The following TANC2 variants were observed in gnomAD, a reference collection of about 807,000 sequenced individuals.
The protein encoded by TANC2 is tetratricopeptide repeat, ankyrin repeat and coiled-coil containing 2.
In TANC2, 26 loss-of-function variants were observed where a neutral mutation model predicts 210.5. That is an observed-to-expected ratio of 0.12 (90% confidence interval 0.09 to 0.17). The LOEUF is 0.17. Ranked by LOEUF, TANC2 falls within the 10% of genes least tolerant of loss-of-function variation. The probability of loss-of-function intolerance (pLI) is 1.00; values close to 1 mark genes in which losing one functional copy is unlikely to be tolerated. For missense variants in TANC2, 2,129 were observed against 2,608.9 expected, an observed-to-expected ratio of 0.82 and a Z score of 4.01; for synonymous variants, 931 against 967.1, an observed-to-expected ratio of 0.96 and a Z score of 0.69.
At chr17:63,058,226 A>G (rs2035873829) in intron 2 of TANC2, among the ~76,000 whole-genome samples, 1 of 151,996 alleles carries the variant, frequency 6.6e-6, no homozygotes, top group South Asian at 2.1e-4. Flanking sequence ...CCACATGGGT[A>G]TGTTTTCTTT....
rs1359624596 is a variant in TANC2, at chr17:63,412,543, A to G, written c.3899-137A>G. On this transcript the variant is annotated intron_variant, in intron 23 of 27. Transcript: ENST00000689528. The surrounding 1 kb of genome is among the most constrained non-coding windows in gnomAD (Gnocchi z 4.2). ...AGCTGCTCCCCAAGCCCACAGACCTATAGACGAGGGTTGGCTGATATGCTG... is the reference window on the plus strand; with the variant it reads ...AGCTGCTCCCCAAGCCCACAGACCTGTAGACGAGGGTTGGCTGATATGCTG... 9 of 802,186 alleles carry G rather than the reference A, an allele frequency of 1.1e-5. No homozygotes were observed. Among genetic ancestry groups the G allele is most frequent in the African/African-American group, 5.2e-5 (3 of 57,438 alleles). The allele number at this position is 802,186 out of a possible 1,614,324, so 49.7% of individuals were successfully genotyped here. A position where few individuals can be genotyped will look rare whatever the true frequency, so the allele number is the denominator to read the frequency against.
intron 8 of TANC2, among the ~76,000 whole-genome samples, chr17:63,244,696 G>A (rs891509851): frequency 1.8e-4 from 27 of 152,068 alleles, no homozygotes; most frequent in Admixed American, 1.2e-3. Flanking sequence ...TTTGTAAACC[G>A]CCGATTTCTT....
chr17:63,152,004 T>G (rs2039669512), intron 5 of TANC2: 1 of 152,176 alleles, frequency 6.6e-6, no homozygotes, highest in South Asian at 2.1e-4. Flanking sequence ...TGAGAAAGAC[T>G]CATTATCAAT....
chr17:63,197,167 T>A (rs2145772602), intron 6 of TANC2, among the ~76,000 whole-genome samples: 1 of 152,296 alleles, frequency 6.6e-6, no homozygotes, highest in African/African-American at 2.4e-5. Context: ...ACATCATAGC[T>A]TTCGTACTTT....
At chr17:63,286,272 C>A (rs924750064) in intron 9 of TANC2, among the ~76,000 whole-genome samples, 2 of 152,156 alleles carry the variant, frequency 1.3e-5, no homozygotes, top group Non-Finnish European at 2.9e-5. Flanking sequence ...TTTAACATTT[C>A]TTGCATTGTG....
At chr17:63,395,253 T>C (rs1403925968) in intron 17 of TANC2, among the ~76,000 whole-genome samples, 2 of 152,254 alleles carry the variant, frequency 1.3e-5, no homozygotes, top group Non-Finnish European at 2.9e-5. Flanking sequence ...AGAAGCAGAC[T>C]TTGCCAAAGT....
At chr17:63,391,384 A>T (rs2047968138) in intron 17 of TANC2, 1 of 152,202 alleles carries the variant, frequency 6.6e-6, no homozygotes, top group African/African-American at 2.4e-5. Flanking sequence ...GATCAGACAC[A>T]ACTGGGTTAA....
At chr17:63,118,084 T>G (rs768304262) in intron 4 of TANC2, among the ~76,000 whole-genome samples, 4 of 152,228 alleles carry the variant, frequency 2.6e-5, no homozygotes, top group Non-Finnish European at 4.4e-5. Context: ...AGATTGCAAT[T>G]CCAGAATAGA....
intron 8 of TANC2, among the ~76,000 whole-genome samples, chr17:63,265,715 A>G (rs913655767): frequency 3.9e-5 from 6 of 152,142 alleles, no homozygotes; most frequent in African/African-American, 1.2e-4. Flanking sequence ...CTTAGCAAAG[A>G]CATAGAAATC....
intron 7 of TANC2, among the ~76,000 whole-genome samples, chr17:63,232,699 C>A (rs571196781): frequency 5.3e-5 from 8 of 152,330 alleles, no homozygotes; most frequent in African/African-American, 1.9e-4. Context: ...AGGTGTCTGG[C>A]GACCCCTGTT....
At chr17:63,114,025 A>G (rs2038156222) in intron 4 of TANC2, among the ~76,000 whole-genome samples, 1 of 152,224 alleles carries the variant, frequency 6.6e-6, no homozygotes, top group Non-Finnish European at 1.5e-5. Context: ...TTATAACTTT[A>G]GATTAATGAA....
chr17:63,189,955 A>T (rs2041127413), intron 5 of TANC2, among the ~76,000 whole-genome samples: 1 of 152,162 alleles, frequency 6.6e-6, no homozygotes, highest in Admixed American at 6.5e-5. Context: ...TCATCTTCAT[A>T]CCTTTGTTTG....
At chr17:63,240,746 A>G (rs1308786567) in intron 8 of TANC2, among the ~76,000 whole-genome samples, 1 of 152,198 alleles carries the variant, frequency 6.6e-6, no homozygotes, top group Non-Finnish European at 1.5e-5. Context: ...GGCAACTACC[A>G]AACTATCTCC....
Position 63,212,904 on chromosome 17 carries a change from C to T in TANC2, c.769+11947C>T, listed in dbSNP as rs190599884. On this transcript the variant is annotated intron_variant, in intron 7 of 27. Coordinates refer to ENST00000689528, the Ensembl canonical transcript of TANC2. ...GATCTCATGTTTTCAACAAATCTGT[C>T]AGCATTACTCTATTCATTATTCAAT... Among the ~76,000 whole-genome samples the T allele has an allele frequency of 2.6e-5, 4 of 152,310 alleles. No individual in the cohort carries two copies. The East Asian group carries it at 7.7e-4, about 29-fold the overall frequency.
At chr17:62,968,645 C>G (rs777610202) in intron 1 of TANC2, 1 of 152,080 alleles carries the variant, frequency 6.6e-6, no homozygotes, top group African/African-American at 2.4e-5. Context: ...TTACAGAGCC[C>G]GATTCTTTTC....
chr17:63,009,117 T>G (rs2033754162), intron 1 of TANC2, among the ~76,000 whole-genome samples: 1 of 152,124 alleles, frequency 6.6e-6, no homozygotes, highest in East Asian at 1.9e-4. Flanking sequence ...TTTTTCTGGT[T>G]TAGCACTTTT....
At chr17:63,108,189 A>G (rs1346646880) in intron 4 of TANC2, among the ~76,000 whole-genome samples, 1 of 151,794 alleles carries the variant, frequency 6.6e-6, no homozygotes, top group Non-Finnish European at 1.5e-5. Context: ...TTCATGCCTC[A>G]TAAAATGAAC....
chr17:63,153,359 T>C (rs935545896), intron 5 of TANC2: 9 of 152,204 alleles, frequency 5.9e-5, no homozygotes, highest in Non-Finnish European at 1.2e-4. Context: ...AGTGTTCTGA[T>C]ACCTTCTTGT....
intron 5 of TANC2, among the ~76,000 whole-genome samples, chr17:63,167,553 C>T (rs2040251307): frequency 6.6e-6 from 1 of 152,020 alleles, no homozygotes; most frequent in African/African-American, 2.4e-5. Flanking sequence ...TTTTAAAAAA[C>T]TGATGAAATG....
Sources: gnomAD v4.1 joint callset for allele counts (sites outside exome capture counted in the v4.1 genomes callset) on GRCh38, gnomAD v4.1.1 for gene constraint, Gnocchi (gnomAD v3.1) non-coding constraint, MANE v1.5 for transcripts, NCBI Gene and HGNC (gene_info 2026-07-23, HGNC 2026-07-21) for gene names.